The following CWC27 variants were observed in gnomAD, a reference collection of about 807,000 sequenced individuals.
CWC27 encodes spliceosome-associated protein CWC27 homolog.
A neutral mutation model predicts 63.6 loss-of-function variants in CWC27; 47 were observed. That is an observed-to-expected ratio of 0.74 (90% CI 0.58 to 0.94). The LOEUF (loss-of-function observed/expected upper bound fraction) is 0.94, where lower values mean the gene tolerates loss of function less well. Among genes scored for constraint, CWC27 ranks in the 40% least tolerant of loss-of-function variants. CWC27 has a pLI of 0.00. For missense variants in CWC27, 495 were observed against 554.3 expected, an observed-to-expected ratio of 0.89 and a Z score of 1.07; for synonymous variants, 175 against 179.8, an observed-to-expected ratio of 0.97 and a Z score of 0.22.
chr5:64,893,739 A>G (rs752847766), intron 11 of CWC27, among the ~76,000 whole-genome samples: 6 of 152,226 alleles, frequency 3.9e-5, no homozygotes, highest in Non-Finnish European at 8.8e-5. Flanking sequence ...TTTTTTAAAG[A>G]AGACTATGGC....
chr5:64,938,185 G>A (rs917626402), intron 11 of CWC27, among the ~76,000 whole-genome samples: 1 of 152,070 alleles, frequency 6.6e-6, no homozygotes, highest in South Asian at 2.1e-4. Flanking sequence ...AGTTGATGCG[G>A]TATCTTCATA....
intron 10 of CWC27, among the ~76,000 whole-genome samples, chr5:64,845,703 G>A (rs184036666): frequency 1.3e-5 from 2 of 152,236 alleles, no homozygotes; most frequent in African/African-American, 4.8e-5. Context: ...AGACAAAAGA[G>A]TGAAAAAGAA....
intron 11 of CWC27, among the ~76,000 whole-genome samples, chr5:64,960,769 T>A (rs1748891275): frequency 6.7e-6 from 1 of 148,334 alleles, no homozygotes; most frequent in African/African-American, 2.5e-5. Flanking sequence ...TGTCACAGAA[T>A]AGCCACTCAG....
intron 13 of CWC27, among the ~76,000 whole-genome samples, chr5:64,982,035 G>T (rs1191759169): frequency 1.3e-5 from 2 of 152,196 alleles, no homozygotes; most frequent in African/African-American, 4.8e-5. Context: ...GAGAACCAAG[G>T]TTTGGCTTAA....
chr5:65,006,998 GAAAGAAAGAAAGA>G (rs1561187216), intron 13 of CWC27, among the ~76,000 whole-genome samples: 15 of 149,014 alleles, frequency 1.0e-4, no homozygotes, highest in African/African-American at 3.7e-4. Flanking sequence ...AAGAAAGAAA[GAAAGAAAGAAAGA>G]AAGAAAGAAA....
intron 13 of CWC27, among the ~76,000 whole-genome samples, chr5:64,980,708 C>T (rs986559446): frequency 6.6e-6 from 1 of 152,074 alleles, no homozygotes; most frequent in Non-Finnish European, 1.5e-5. Context: ...ATAGTACATA[C>T]GGTATTTAGT....
At chr5:64,939,092 C>G (rs1748419574) in intron 11 of CWC27, among the ~76,000 whole-genome samples, 2 of 152,168 alleles carry the variant, frequency 1.3e-5, no homozygotes, top group South Asian at 4.1e-4. Context: ...TACCCGCCTT[C>G]TGAAGCCTAC....
At chr5:64,991,872 G>A (rs1749542876) in intron 13 of CWC27, among the ~76,000 whole-genome samples, 1 of 152,076 alleles carries the variant, frequency 6.6e-6, no homozygotes, top group Non-Finnish European at 1.5e-5. Context: ...CTTAATGTGA[G>A]GTCCCTTCAT....
At chr5:64,786,754 G>T in intron 6 of CWC27, 127 bp downstream of exon 6, 1 of 577,804 alleles carries the variant, frequency 1.7e-6, no homozygotes, top group Non-Finnish European at 3.1e-6. Flanking sequence ...GAGAGATATT[G>T]GAATTATGAG....
chr5:64,865,821 A>G (rs1746519768), intron 10 of CWC27, among the ~76,000 whole-genome samples: 1 of 152,098 alleles, frequency 6.6e-6, no homozygotes, highest in Non-Finnish European at 1.5e-5. Flanking sequence ...CTGTCTAGTC[A>G]TATATATAAA....
Position 64,902,551 on chromosome 5 carries a change from A to G in CWC27, c.1042+17005A>G, listed in dbSNP as rs185789198. On this transcript the variant is annotated intron_variant, in intron 11 of 13. Transcript: ENST00000381070. Reference sequence around the variant, plus strand: ...GCCCATATATACATGGGTTTATTCTATATATTATATATGGGTCTATTCTGT... The same window carrying G: ...GCCCATATATACATGGGTTTATTCTGTATATTATATATGGGTCTATTCTGT... Among the ~76,000 whole-genome samples, 102 of 152,294 alleles carry G rather than the reference A, an allele frequency of 6.7e-4. 2 individuals carry two copies. Among genetic ancestry groups the G allele is most frequent in the African/African-American group, 2.4e-3 (100 of 41,570 alleles).
intron 1 of CWC27, among the ~76,000 whole-genome samples, chr5:64,771,798 A>G (rs1331863365): frequency 1.3e-5 from 2 of 152,364 alleles, no homozygotes; most frequent in Admixed American, 1.3e-4. Context: ...ATGTATGGCC[A>G]GAGGAGGAAG....
At chr5:64,970,442 G>T (rs1311212820) in intron 11 of CWC27, among the ~76,000 whole-genome samples, 1 of 152,000 alleles carries the variant, frequency 6.6e-6, no homozygotes, top group Admixed American at 6.6e-5. Context: ...TCGATCTTCT[G>T]ACCTCGTGAT....
At chr5:64,909,408 G>C (rs986239143) in intron 11 of CWC27, among the ~76,000 whole-genome samples, 1 of 152,108 alleles carries the variant, frequency 6.6e-6, no homozygotes. Flanking sequence ...TGACGATTAT[G>C]TGTCTTGGGG....
chr5:64,900,998 A>AT (rs149107439), intron 11 of CWC27, among the ~76,000 whole-genome samples: 4,937 of 145,468 alleles, frequency 0.034, 239 homozygotes, highest in African/African-American at 0.11. Context: ...CTTTTTTGTG[A>AT]TTTTTTTTTT....
intron 8 of CWC27, among the ~76,000 whole-genome samples, chr5:64,800,735 C>T (rs1744459048): frequency 6.6e-6 from 1 of 152,114 alleles, no homozygotes; most frequent in South Asian, 2.1e-4. Flanking sequence ...GGGGCCAGTC[C>T]ACTGACTATA....
intron 7 of CWC27, among the ~76,000 whole-genome samples, chr5:64,792,992 C>G (rs546829227): frequency 9.1e-4 from 138 of 152,176 alleles, no homozygotes; most frequent in Non-Finnish European, 1.7e-3. Flanking sequence ...TTAAAATATA[C>G]TATACATTAT....
At chr5:64,988,294 A>G (rs551975571) in intron 13 of CWC27, among the ~76,000 whole-genome samples, 2 of 152,182 alleles carry the variant, frequency 1.3e-5, no homozygotes, top group East Asian at 1.9e-4. Context: ...TTATCTCAGT[A>G]TTAGCATCTG....
chr5:64,822,039 G>A (rs748498427), intron 10 of CWC27, among the ~76,000 whole-genome samples: 4 of 152,274 alleles, frequency 2.6e-5, no homozygotes, highest in East Asian at 1.9e-4. Context: ...CTTGTATGGC[G>A]TATTTGGAAA....
Sources: allele counts gnomAD v4.1 joint callset (sites outside exome capture counted in the v4.1 genomes callset), GRCh38; gene constraint gnomAD v4.1.1; transcripts MANE v1.5; gene names NCBI Gene and HGNC (gene_info 2026-07-23, HGNC 2026-07-21).